ASAH2: variants seen among roughly 807,000 people sequenced by gnomAD.
ASAH2 encodes the protein neutral ceramidase.
ASAH2 carries 58 observed loss-of-function variants against 82.9 expected under a neutral mutation model. The observed-to-expected ratio is 0.70, with a 90% CI of 0.57 to 0.87. The LOEUF (loss-of-function observed/expected upper bound fraction) is 0.87, where lower values mean the gene tolerates loss of function less well. Ranked by LOEUF, ASAH2 falls within the 40% of genes least tolerant of loss-of-function variation. The probability of loss-of-function intolerance (pLI) is 0.00; values close to 1 mark genes in which losing one functional copy is unlikely to be tolerated. For missense variants in ASAH2, 779 were observed against 834.0 expected (o/e 0.93, Z 0.81); for synonymous variants, 276 against 289.7 (o/e 0.95, Z 0.48).
At chr10:50,234,696 A>C in intron 5 of ASAH2, 144 bp from the exon 6 acceptor site, 1 of 1,161,632 alleles carries the variant, frequency 8.6e-7, no homozygotes, top group Non-Finnish European at 1.3e-6. Flanking sequence ...CTGGAGAACC[A>C]CATCGCTGTT....
In ASAH2 at chr10:50,199,118, A is replaced by C; in HGVS notation, c.1790T>G (p.Ile597Ser). Residue 597 changes from isoleucine to serine, a missense_variant, in exon 17 of 21, where the codon ATT becomes AGT. This residue lies in a region of ASAH2 where 759 missense variants were observed against 755.2 expected (regional missense o/e 1.00). Coordinates refer to ENST00000682911, the MANE Select transcript of ASAH2 (RefSeq NM_019893.4). Reference protein sequence around the residue: ...QAQRYEAASTIYGPHTLSAYI... With the variant: ...QAQRYEAASTSYGPHTLSAYI... ...AGCAGATAATGTGTGCGGTCCATAAATTGTCGATGCTGCCTCATATCGCTG... is the reference window on the plus strand; with the variant it reads ...AGCAGATAATGTGTGCGGTCCATAACTTGTCGATGCTGCCTCATATCGCTG... 6.2e-7 allele frequency: 1 copy of C among 1,613,308 alleles called. No homozygotes were observed.
At chr10:50,216,708 G>A (rs1182944285) in intron 8 of ASAH2, among the ~76,000 whole-genome samples, 2 of 152,094 alleles carry the variant, frequency 1.3e-5, no homozygotes, top group African/African-American at 4.8e-5. Context: ...AGCCATGCAA[G>A]TCCTCTGCCT....
chr10:50,243,014 C>T (rs1846344348), intron 4 of ASAH2, among the ~76,000 whole-genome samples, 188 bp downstream of exon 4: 1 of 152,200 alleles, frequency 6.6e-6, no homozygotes, highest in African/African-American at 2.4e-5. Flanking sequence ...ACCAAGATAA[C>T]TTAGACTGAA....
At chr10:50,236,518 G>T (rs900495120) in intron 4 of ASAH2, among the ~76,000 whole-genome samples, 2,528 of 152,112 alleles carry the variant, frequency 0.017, 64 homozygotes, top group African/African-American at 0.058. Context: ...TGAGATTTGG[G>T]CGGAGACACA....
Position 50,210,841 on chromosome 10 carries a change from C to T in ASAH2, c.1396G>A (p.Gly466Ser). 1.2e-6 allele frequency: 2 copies of T among 1,613,054 alleles called. No individual in the cohort carries two copies. Among genetic ancestry groups the T allele is most frequent in the South Asian group, 2.2e-5 (2 of 91,064 alleles). ...FAAGTIDGVG[G>S]LNFTQGKTEG... is the part of the protein sequence containing the mutation. ...ACCTTACCCTGTGTAAAATTGAGGC[C>T]TCCAACTCCATCAATAGTGCCAGCT... The change falls in exon 12 of 21, where the codon GGC becomes AGC. Residue 466 changes from glycine (G) to serine (S), a missense_variant. Transcript: ENST00000682911.
intron 5 of ASAH2, among the ~76,000 whole-genome samples, chr10:50,235,246 A>G (rs2133225830): frequency 6.6e-6 from 1 of 152,222 alleles, no homozygotes; most frequent in Non-Finnish European, 1.5e-5. Flanking sequence ...TGGATCTCTG[A>G]ATTTTGGGGG....
intron 12 of ASAH2, among the ~76,000 whole-genome samples, chr10:50,206,520 T>C (rs1040712172): frequency 2.1e-5 from 3 of 141,376 alleles, no homozygotes; most frequent in Admixed American, 1.5e-4. Context: ...AAATAATTTC[T>C]CCTGAATTTA....
intron 16 of ASAH2, among the ~76,000 whole-genome samples, chr10:50,200,298 CAT>C (rs1428383622): frequency 6.6e-6 from 1 of 151,216 alleles, no homozygotes; most frequent in Non-Finnish European, 1.5e-5. Context: ...GGCTCAGTAG[CAT>C]AGCATGCAAG....
intron 6 of ASAH2, among the ~76,000 whole-genome samples, chr10:50,233,599 T>C (rs1846070296): frequency 6.6e-6 from 1 of 152,168 alleles, no homozygotes; most frequent in East Asian, 1.9e-4. Context: ...TAATGAAATC[T>C]CTTTAAAAGA....
chr10:50,199,640 CAA>C, intron 16 of ASAH2, among the ~76,000 whole-genome samples: 1 of 145,920 alleles, frequency 6.9e-6, no homozygotes, highest in African/African-American at 2.6e-5. Context: ...ACAGGAATTT[CAA>C]AGTTATCAAA....
intron 18 of ASAH2, among the ~76,000 whole-genome samples, chr10:50,196,058 A>G (rs1284211118): frequency 2.6e-5 from 4 of 151,888 alleles, no homozygotes; most frequent in Non-Finnish European, 5.9e-5. Flanking sequence ...ATTTTCTCAC[A>G]ACAAAAAATA....
intron 15 of ASAH2, 76 bp downstream of exon 15, chr10:50,203,564 G>A: frequency 1.8e-6 from 1 of 546,292 alleles, no homozygotes; most frequent in Non-Finnish European, 3.1e-6. Context: ...TCTAGATATA[G>A]GATCATAGGG....
chr10:50,219,125 G>A (rs961692039), intron 7 of ASAH2, among the ~76,000 whole-genome samples: 122 of 152,320 alleles, frequency 8.0e-4, no homozygotes, highest in Non-Finnish European at 1.6e-3. Context: ...CAGGCATAAA[G>A]TGTTCAGGGA....
At chr10:50,233,412 C>T (rs1053041356) in intron 6 of ASAH2, 151 bp from the exon 7 acceptor site, 97 of 653,504 alleles carry the variant, frequency 1.5e-4, no homozygotes, top group Middle Eastern at 5.3e-4. Context: ...GTATCCAGTA[C>T]CTCATTTATC....
At chr10:50,226,405 G>A (rs1845885827) in intron 7 of ASAH2, among the ~76,000 whole-genome samples, 1 of 152,128 alleles carries the variant, frequency 6.6e-6, no homozygotes, top group Admixed American at 6.5e-5. Context: ...CTGGCTCTGA[G>A]TGTCAGGATC....
chr10:50,241,807 C>T (rs1846303450), intron 4 of ASAH2, among the ~76,000 whole-genome samples: 1 of 152,106 alleles, frequency 6.6e-6, no homozygotes, highest in Non-Finnish European at 1.5e-5. Flanking sequence ...TCAAACACCA[C>T]ATGTTCTCAC....
intron 7 of ASAH2, among the ~76,000 whole-genome samples, chr10:50,221,371 G>A (rs1046758331): frequency 3.5e-4 from 54 of 152,296 alleles, no homozygotes; most frequent in Admixed American, 6.5e-4. Flanking sequence ...ACTGAGGTCA[G>A]CCAGCTTCAG....
intron 7 of ASAH2, among the ~76,000 whole-genome samples, chr10:50,230,391 A>G (rs1845992079): frequency 6.6e-6 from 1 of 152,068 alleles, no homozygotes; most frequent in South Asian, 2.1e-4. Flanking sequence ...TGTGCTTCCA[A>G]ACTCCTCACA....
chr10:50,240,756 C>A (rs1039676671), intron 4 of ASAH2, among the ~76,000 whole-genome samples: 14 of 152,298 alleles, frequency 9.2e-5, no homozygotes, highest in Middle Eastern at 3.4e-3. Flanking sequence ...CCCATCCTAA[C>A]CATTTAAAAT....
Sources: allele counts gnomAD v4.1 joint callset (sites outside exome capture counted in the v4.1 genomes callset), GRCh38; gene constraint gnomAD v4.1.1; regional missense constraint gnomAD v4.1.1; transcripts MANE v1.5; gene names NCBI Gene and HGNC (gene_info 2026-07-23, HGNC 2026-07-21).